LRP2BP: variants seen among roughly 807,000 people sequenced by gnomAD.
The protein encoded by LRP2BP is LRP2 binding protein, also known as LRP2-binding protein.
In LRP2BP, 38 loss-of-function variants were observed where a neutral mutation model predicts 45.2. The ratio of observed to expected loss-of-function variants is 0.84; its 90% CI spans 0.65 to 1.10. The LOEUF (loss-of-function observed/expected upper bound fraction) is 1.10, where lower values mean the gene tolerates loss of function less well. LRP2BP is among the 50% of genes least tolerant of loss of function. LRP2BP has a pLI of 0.00. For missense variants in LRP2BP, 385 were observed against 418.9 expected, an observed-to-expected ratio of 0.92 and a Z score of 0.71; for synonymous variants, 153 against 153.9, an observed-to-expected ratio of 0.99 and a Z score of 0.04.
intron 1 of LRP2BP, among the ~76,000 whole-genome samples, chr4:185,380,214 G>T (rs1041416069): frequency 3.3e-5 from 5 of 152,186 alleles, no homozygotes; most frequent in Non-Finnish European, 7.3e-5. Flanking sequence ...TTAGCTTCCT[G>T]TCTTGGATTG....
intron 3 of LRP2BP, 114 bp downstream of exon 3, chr4:185,376,795 A>C (rs991806673): frequency 5.8e-6 from 4 of 691,184 alleles, no homozygotes; most frequent in Non-Finnish European, 1.0e-5. Context: ...TAGTCGATGT[A>C]ATTGGACAGA....
intron 1 of LRP2BP, among the ~76,000 whole-genome samples, chr4:185,386,667 T>C (rs1169049312): frequency 6.6e-6 from 1 of 152,164 alleles, no homozygotes; most frequent in East Asian, 1.9e-4. Flanking sequence ...CTTTTGGCTA[T>C]AGGAGACAGG....
intron 1 of LRP2BP, among the ~76,000 whole-genome samples, chr4:185,384,181 G>C (rs1458714680): frequency 1.3e-5 from 2 of 152,122 alleles, no homozygotes; most frequent in Non-Finnish European, 2.9e-5. Flanking sequence ...CTTAGGAAAG[G>C]GTTAGATGCA....
At chr4:185,391,201 A>G (rs555893768) in intron 1 of LRP2BP, among the ~76,000 whole-genome samples, 28 of 152,324 alleles carry the variant, frequency 1.8e-4, no homozygotes, top group African/African-American at 5.8e-4. Context: ...TATGGGTTTT[A>G]GGGAAGAATA....
intron 8 of LRP2BP, among the ~76,000 whole-genome samples, chr4:185,367,668 G>T (rs1432241528): frequency 6.6e-6 from 1 of 152,116 alleles, no homozygotes; most frequent in African/African-American, 2.4e-5. Flanking sequence ...GTGACAAGGT[G>T]CATAATTTCT....
At chr4:185,375,946 T>C (rs1048045695) in intron 3 of LRP2BP, among the ~76,000 whole-genome samples, 1 of 152,102 alleles carries the variant, frequency 6.6e-6, no homozygotes, top group African/African-American at 2.4e-5. Flanking sequence ...AGCAAACATT[T>C]GTTGCCAGGA....
upstream of LRP2BP, chr4:185,397,226 T>A (rs1327968308): frequency 6.2e-7 from 1 of 1,614,128 alleles, no homozygotes; most frequent in Non-Finnish European, 8.5e-7. Context: ...CAGTCGCCTG[T>A]CCACTTAGCC....
intron 1 of LRP2BP, among the ~76,000 whole-genome samples, chr4:185,384,026 T>C (rs2095463125): frequency 6.6e-6 from 1 of 152,186 alleles, no homozygotes. Flanking sequence ...TGAGTCCTAG[T>C]CCTGACACAG....
intron 1 of LRP2BP, among the ~76,000 whole-genome samples, chr4:185,387,210 G>A (rs938602605): frequency 3.3e-5 from 5 of 152,158 alleles, no homozygotes; most frequent in African/African-American, 4.8e-5. Context: ...TGCAGCCTGG[G>A]TGACAGAGCG....
chr4:185,380,822 A>G (rs112848958), intron 1 of LRP2BP, among the ~76,000 whole-genome samples: 89 of 151,984 alleles, frequency 5.9e-4, no homozygotes, highest in Admixed American at 1.0e-3. Context: ...TTTGCCTTTC[A>G]GATTTTCCAT....
intron 1 of LRP2BP, among the ~76,000 whole-genome samples, chr4:185,391,919 A>G (rs1580017530): frequency 6.6e-6 from 1 of 152,328 alleles, no homozygotes; most frequent in East Asian, 1.9e-4. Context: ...ATACACACAC[A>G]CCTATAATTA....
chr4:185,393,728 G>A (rs1463085016), intron 1 of LRP2BP, among the ~76,000 whole-genome samples: 3 of 151,814 alleles, frequency 2.0e-5, no homozygotes, highest in African/African-American at 7.3e-5. Context: ...GTTTCACCAT[G>A]TTGGCCATTC....
chr4:185,372,776 G>T, intron 7 of LRP2BP, 80 bp downstream of exon 7: 1 of 1,253,832 alleles, frequency 8.0e-7, no homozygotes, highest in South Asian at 1.5e-5. Flanking sequence ...GGAACTGTGA[G>T]AAATAAATTT....
At chr4:185,380,620 T>C (rs1301656366) in intron 1 of LRP2BP, among the ~76,000 whole-genome samples, 2 of 152,210 alleles carry the variant, frequency 1.3e-5, no homozygotes, top group African/African-American at 4.8e-5. Context: ...CCAACATGAC[T>C]TCCTCTTAAC....
rs932622406 is a variant in LRP2BP, at chr4:185,394,790, C to T, written c.-33G>A. On this transcript the variant is annotated 5_prime_UTR_variant, in exon 1 of 9. Coordinates refer to ENST00000505916, the MANE Select transcript of LRP2BP (RefSeq NM_001377440.1). ...ATTCGGTCACTTACTCATCATCCAACGTTTTTTTTAACACTCGCTGTAAAT... is the reference window on the plus strand; with the variant it reads ...ATTCGGTCACTTACTCATCATCCAATGTTTTTTTTAACACTCGCTGTAAAT... The T allele has an allele frequency of 2.8e-5, 28 of 985,288 alleles. No homozygotes were observed. The highest frequency in any genetic ancestry group is 6.1e-5 in the Admixed American group (1 of 16,266). 61.0% of individuals were successfully genotyped at this position (985,288 alleles called of 1,614,324 possible). A position where few individuals can be genotyped will look rare whatever the true frequency, so the allele number is the denominator to read the frequency against.
chr4:185,386,063 G>A (rs1325916995), intron 1 of LRP2BP, among the ~76,000 whole-genome samples: 2 of 152,210 alleles, frequency 1.3e-5, no homozygotes, highest in African/African-American at 2.4e-5. Context: ...GGAAAATGCA[G>A]TAGTCTAACT....
chr4:185,393,785 C>A (rs921222925), intron 1 of LRP2BP, among the ~76,000 whole-genome samples: 5 of 152,116 alleles, frequency 3.3e-5, no homozygotes, highest in African/African-American at 1.2e-4. Flanking sequence ...CTCAGCCTCC[C>A]AAAGTGCTGG....
intron 1 of LRP2BP, among the ~76,000 whole-genome samples, chr4:185,386,393 G>A (rs2126834169): frequency 6.6e-6 from 1 of 152,288 alleles, no homozygotes. Flanking sequence ...TAAACTATGT[G>A]GGAATAACCT....
At chr4:185,391,842 G>A (rs570078645) in intron 1 of LRP2BP, among the ~76,000 whole-genome samples, 2 of 152,228 alleles carry the variant, frequency 1.3e-5, no homozygotes, top group East Asian at 3.9e-4. Context: ...TTGTTACTGC[G>A]GTGTCACTGC....
Sources: gnomAD v4.1 joint callset for allele counts (sites outside exome capture counted in the v4.1 genomes callset) on GRCh38, gnomAD v4.1.1 for gene constraint, MANE v1.5 for transcripts, NCBI Gene and HGNC (gene_info 2026-07-23, HGNC 2026-07-21) for gene names.